The following HINT1 variants were observed in gnomAD, a reference collection of about 807,000 sequenced individuals.
HINT1 encodes the protein histidine triad nucleotide binding protein 1.
A neutral mutation model predicts 11.2 loss-of-function variants in HINT1; 12 were observed. The ratio of observed to expected loss-of-function variants is 1.07; its 90% CI spans 0.69 to 1.74. The LOEUF is 1.74. Among genes scored for constraint, HINT1 ranks in the 40% most tolerant of loss-of-function variants. The pLI is 0.00. For missense variants in HINT1, 150 were observed against 161.8 expected (o/e 0.93, Z 0.40); for synonymous variants, 42 against 52.6 (o/e 0.80, Z 0.87).
At chr5:131,163,176 A>T (rs538133917) in intron 1 of HINT1, among the ~76,000 whole-genome samples, 1 of 152,332 alleles carries the variant, frequency 6.6e-6, no homozygotes, top group Admixed American at 6.5e-5. Flanking sequence ...TTAAAAGTAT[A>T]ATCACCAAAG....
intron 1 of HINT1, among the ~76,000 whole-genome samples, chr5:131,164,734 G>T (rs1755348433): frequency 6.6e-6 from 1 of 152,194 alleles, no homozygotes; most frequent in Non-Finnish European, 1.5e-5. Context: ...GCGCTGGCGA[G>T]ATTTCGAGAT....
Position 131,159,413 on chromosome 5 carries a change from G to A in HINT1, c.*34C>T. ...CTGGAAATTGCCTAACTTAATCATT[G>A]CCTAAAGAAGAGAAAATTATCCCCA... On this transcript the variant is annotated 3_prime_UTR_variant, in exon 3 of 3. Transcript: ENST00000304043. The A allele has an allele frequency of 1.3e-6, 2 of 1,597,604 alleles. No individual in the cohort carries two copies. The highest frequency in any genetic ancestry group is 2.2e-5 in the South Asian group (2 of 90,214).
intron 1 of HINT1, among the ~76,000 whole-genome samples, chr5:131,162,885 T>A (rs1051698847): frequency 1.9e-4 from 29 of 152,116 alleles, no homozygotes; most frequent in African/African-American, 6.7e-4. Flanking sequence ...TCACCCAGGC[T>A]GTAGTGCAAT....
chr5:131,159,718 C>A (rs1755201799), intron 2 of HINT1, 107 bp from the exon 3 acceptor site: 1 of 1,037,224 alleles, frequency 9.6e-7, no homozygotes, highest in Non-Finnish European at 1.4e-6. Flanking sequence ...CTCATTGAAA[C>A]ACAACCCTTT....
In HINT1 at chr5:131,165,151, A is replaced by G; in HGVS notation, c.55T>C (p.Phe19Leu). 1 of 1,612,450 alleles carries G rather than the reference A, an allele frequency of 6.2e-7. No individual in the cohort carries two copies. Among genetic ancestry groups the G allele is most frequent in the South Asian group, 1.1e-5 (1 of 91,082 alleles). ...ATTTCCTTGCGGATGATCTTCCCAA[A>G]GATCGTGTCGCCACCAGGCCGAGCG... ...QVARPGGDTIFGKIIRKEIPA... is the reference protein window; with the variant it reads ...QVARPGGDTILGKIIRKEIPA... The change falls in exon 1 of 3, where the codon TTT becomes CTT. Residue 19 changes from phenylalanine (F) to leucine (L), a missense_variant. Coordinates refer to ENST00000304043, the MANE Select transcript of HINT1 (RefSeq NM_005340.7).
chr5:131,161,474 C>A (rs1290239569), intron 2 of HINT1, among the ~76,000 whole-genome samples: 1 of 151,806 alleles, frequency 6.6e-6, no homozygotes, highest in Admixed American at 6.6e-5. Flanking sequence ...TGATGGCATG[C>A]CTGTAATCCC....
intron 2 of HINT1, 131 bp downstream of exon 2, chr5:131,162,441 G>A (rs1755278486): frequency 2.6e-6 from 4 of 1,538,334 alleles, no homozygotes; most frequent in East Asian, 2.4e-5. Context: ...GGCAGTTGAA[G>A]TCCTAATGGT....
intron 2 of HINT1, among the ~76,000 whole-genome samples, chr5:131,161,867 C>T (rs975220180): frequency 1.3e-5 from 2 of 152,162 alleles, no homozygotes; most frequent in African/African-American, 4.8e-5. Context: ...CTGCCTCTGC[C>T]ACCCCTGAGA....
Position 131,159,236 on chromosome 5 carries a change from T to G in HINT1, c.*211A>C. 1 of 449,432 alleles carries G rather than the reference T, an allele frequency of 2.2e-6. No homozygotes were observed. Among genetic ancestry groups the G allele is most frequent in the Non-Finnish European group, 4.0e-6 (1 of 252,830 alleles). The allele number at this position is 449,432 out of a possible 1,614,324, so 27.8% of individuals were successfully genotyped here. A position where few individuals can be genotyped will look rare whatever the true frequency, so the allele number is the denominator to read the frequency against. On this transcript the variant is annotated 3_prime_UTR_variant, in exon 3 of 3. Transcript: ENST00000304043. ...AAATTATAAACCCACCTTCACATAT[T>G]CCAACAAATATGTTTTTAAAATAAC...
At position 131,159,279 on chromosome 5, in the gene HINT1, CA is replaced by C; in HGVS notation, c.*167del. 1.9e-6 allele frequency: 1 copy of C among 527,166 alleles called. No homozygotes were observed. Among genetic ancestry groups the C allele is most frequent in the African/African-American group, 1.9e-5 (1 of 52,734 alleles). The allele number at this position is 527,166 out of a possible 1,614,324, so 32.7% of individuals were successfully genotyped here. A position where few individuals can be genotyped will look rare whatever the true frequency, so the allele number is the denominator to read the frequency against. ...AAAATAACAAATCAAACGCAACACT[CA>C]GAGAGACTATAAGCCATGCAACAAT... On this transcript the variant is annotated 3_prime_UTR_variant, in exon 3 of 3. Coordinates refer to ENST00000304043, the MANE Select transcript of HINT1 (RefSeq NM_005340.7).
chr5:131,160,749 G>C (rs1254306236), intron 2 of HINT1: 1 of 858,446 alleles, frequency 1.2e-6, no homozygotes, highest in African/African-American at 1.7e-5. Context: ...CAATGGTGTG[G>C]CGATATGCAT....
At chr5:131,162,932 G>C (rs1223248358) in intron 1 of HINT1, among the ~76,000 whole-genome samples, 1 of 152,046 alleles carries the variant, frequency 6.6e-6, no homozygotes, top group African/African-American at 2.4e-5. Flanking sequence ...CCGCCTCCTG[G>C]GTTCAAGTGA....
rs76872591 is a variant in HINT1 at position 131,161,110 on chromosome 5, C to T, written c.216+1462G>A. 3.9e-5 allele frequency among the ~76,000 whole-genome samples: 6 copies of T among 152,260 alleles called. No individual in the cohort carries two copies. In the East Asian group the frequency reaches 9.6e-4, roughly 24 times the overall value. ...CACAACATTTAATTATGAATTAGCA[C>T]GGTTTTAAAGCTGGTTCAGTAAACG... On this transcript the variant is annotated intron_variant, in intron 2 of 2. Coordinates refer to ENST00000304043, the MANE Select transcript of HINT1 (RefSeq NM_005340.7).
chr5:131,163,251 T>A (rs1485714731), intron 1 of HINT1, among the ~76,000 whole-genome samples: 1 of 152,228 alleles, frequency 6.6e-6, no homozygotes, highest in African/African-American at 2.4e-5. Context: ...TTAGATTAAG[T>A]GTTTAAGAAC....
At chr5:131,160,359 AC>A (rs1275448358) in intron 2 of HINT1, among the ~76,000 whole-genome samples, 1 of 152,138 alleles carries the variant, frequency 6.6e-6, no homozygotes, top group African/African-American at 2.4e-5. Flanking sequence ...GGTTCTATCT[AC>A]AGTCAATTTG....
At chr5:131,164,121 T>C (rs1484438836) in intron 1 of HINT1, among the ~76,000 whole-genome samples, 5 of 152,198 alleles carry the variant, frequency 3.3e-5, no homozygotes, top group Non-Finnish European at 4.4e-5. Flanking sequence ...CCGACATTAG[T>C]AGAATAAATG....
At chr5:131,163,882 T>C (rs550285513) in intron 1 of HINT1, among the ~76,000 whole-genome samples, 1 of 152,334 alleles carries the variant, frequency 6.6e-6, no homozygotes, top group East Asian at 1.9e-4. Flanking sequence ...TACTGGGTAC[T>C]CCCTACAAAA....
chr5:131,164,275 C>T (rs960723445), intron 1 of HINT1, among the ~76,000 whole-genome samples: 2 of 152,200 alleles, frequency 1.3e-5, no homozygotes, highest in Non-Finnish European at 2.9e-5. Context: ...CAAGATATCT[C>T]AAAGTCACAT....
chr5:131,164,973 G>T, intron 1 of HINT1, 122 bp downstream of exon 1: 3 of 1,408,288 alleles, frequency 2.1e-6, no homozygotes, highest in South Asian at 2.6e-5. Flanking sequence ...CTGGACCAGG[G>T]CAGCCAGGTC....
Sources: gnomAD v4.1 joint callset for allele counts (sites outside exome capture counted in the v4.1 genomes callset) on GRCh38, gnomAD v4.1.1 for gene constraint, MANE v1.5 for transcripts, NCBI Gene and HGNC (gene_info 2026-07-23, HGNC 2026-07-21) for gene names.